Variants in PDE4D observed in about 807,000 individuals in gnomAD.
PDE4D encodes the protein phosphodiesterase 4D.
Under a neutral mutation model 87.4 loss-of-function variants are expected in PDE4D, and 24 were observed. The ratio of observed to expected loss-of-function variants is 0.27; its 90% CI spans 0.20 to 0.39. PDE4D has a LOEUF of 0.39. Among genes scored for constraint, PDE4D ranks in the 10% least tolerant of loss-of-function variants. PDE4D has a pLI of 1.00. For synonymous variants in PDE4D, 384 were observed against 383.2 expected, an observed-to-expected ratio of 1.00 and a Z score of -0.02; for missense variants, 714 against 1,041.0, an observed-to-expected ratio of 0.69 and a Z score of 4.32.
intron 3 of PDE4D, among the ~76,000 whole-genome samples, chr5:59,932,968 C>CTCT: frequency 1.0e-5 from 1 of 97,700 alleles, no homozygotes; most frequent in South Asian, 3.5e-4. Context: ...GTGAAATCTC[C>CTCT]CTTTTCTGGG....
chr5:60,101,480 T>C (rs928452244), intron 2 of PDE4D, among the ~76,000 whole-genome samples: 3 of 152,138 alleles, frequency 2.0e-5, no homozygotes, highest in African/African-American at 7.2e-5. Flanking sequence ...ATTTTGAATC[T>C]ACCTCCAGTG....
chr5:59,321,341 G>T (rs1468299107), intron 1 of PDE4D, among the ~76,000 whole-genome samples: 1 of 152,018 alleles, frequency 6.6e-6, no homozygotes, highest in African/African-American at 2.4e-5. Flanking sequence ...CTACTGCCCT[G>T]CCTAGACAAG....
intron 3 of PDE4D, 105 bp from the exon 4 acceptor site, chr5:59,185,367 T>G (rs987112148): frequency 9.5e-6 from 7 of 736,406 alleles, no homozygotes; most frequent in Non-Finnish European, 1.6e-5. Context: ...CAACTTAGTT[T>G]CATATACCAC....
intron 2 of PDE4D, among the ~76,000 whole-genome samples, chr5:60,052,995 C>T (rs1396826178): frequency 1.3e-5 from 2 of 152,060 alleles, no homozygotes. Context: ...ATGTGAAGGA[C>T]CTCTTCAAGG....
chr5:59,619,231 G>C (rs982380894), intron 1 of PDE4D, among the ~76,000 whole-genome samples: 2 of 152,128 alleles, frequency 1.3e-5, no homozygotes, highest in Non-Finnish European at 2.9e-5. Flanking sequence ...GAGGAGAAAA[G>C]GGGGAGGTGG....
At chr5:60,363,228 A>G (rs1323781719) in intron 1 of PDE4D, among the ~76,000 whole-genome samples, 1 of 152,228 alleles carries the variant, frequency 6.6e-6, no homozygotes, top group African/African-American at 2.4e-5. Flanking sequence ...CCATTAGATT[A>G]TCATACAGTC....
chr5:59,463,034 G>A (rs748200170), intron 1 of PDE4D, among the ~76,000 whole-genome samples: 7 of 152,060 alleles, frequency 4.6e-5, no homozygotes, highest in Non-Finnish European at 1.0e-4. Flanking sequence ...TGACTAAAAT[G>A]TCCTTGGTTA....
chr5:59,407,764 G>A (rs1009528621), intron 1 of PDE4D, among the ~76,000 whole-genome samples: 4 of 152,172 alleles, frequency 2.6e-5, no homozygotes, highest in Non-Finnish European at 5.9e-5. Context: ...TCATGCCCAG[G>A]GACCTGTGAA....
intron 1 of PDE4D, among the ~76,000 whole-genome samples, chr5:60,373,737 A>C (rs1761212361): frequency 6.6e-6 from 1 of 152,174 alleles, no homozygotes; most frequent in African/African-American, 2.4e-5. Flanking sequence ...GGGCTGCATT[A>C]GTTTCTGGGA....
chr5:60,228,392 C>T lies in PDE4D; in HGVS notation c.-89-42705G>A, dbSNP rs76899179. On this transcript the variant is annotated intron_variant, in intron 1 of 16. Transcript: ENST00000502484. ...AGGTCTAACTAAATCCATCTATCCA[C>T]GACACAACAGAGTATATGGGTAACT... is the stretch of plus-strand genomic sequence containing the variant. 1.7e-4 allele frequency among the ~76,000 whole-genome samples: 26 copies of T among 152,186 alleles called. 1 individual carries two copies. In the East Asian group the frequency reaches 3.1e-3, roughly 18 times the overall value.
intron 1 of PDE4D, among the ~76,000 whole-genome samples, chr5:59,845,242 G>A (rs1033841547): frequency 2.0e-5 from 3 of 152,102 alleles, no homozygotes; most frequent in Non-Finnish European, 2.9e-5. Flanking sequence ...TGAGTTAGTG[G>A]TAGTTTCTGA....
intron 5 of PDE4D, among the ~76,000 whole-genome samples, chr5:59,067,828 CAAAAA>C (rs1168209413): frequency 6.6e-6 from 1 of 151,454 alleles, no homozygotes; most frequent in Non-Finnish European, 1.5e-5. Context: ...TAAAAGAAAA[CAAAAA>C]AGAAAAAGGA....
intron 1 of PDE4D, among the ~76,000 whole-genome samples, chr5:59,627,377 A>T (rs1426464021): frequency 6.6e-6 from 1 of 152,196 alleles, no homozygotes. Flanking sequence ...AATGTTCCAA[A>T]TTCTAGGGTT....
At chr5:60,297,799 T>C (rs1753542888) in intron 1 of PDE4D, among the ~76,000 whole-genome samples, 1 of 152,226 alleles carries the variant, frequency 6.6e-6, no homozygotes, top group Admixed American at 6.5e-5. Context: ...TAAGATTTCA[T>C]TGTGGAAATG....
At chr5:60,177,188 T>C (rs894987279) in intron 2 of PDE4D, among the ~76,000 whole-genome samples, 18 of 152,244 alleles carry the variant, frequency 1.2e-4, no homozygotes, top group Admixed American at 1.0e-3. Flanking sequence ...TGTCCACATT[T>C]GGCACAACAA....
intron 1 of PDE4D, among the ~76,000 whole-genome samples, chr5:59,256,023 A>AT (rs1760902070): frequency 6.6e-6 from 1 of 152,084 alleles, no homozygotes; most frequent in Non-Finnish European, 1.5e-5. Flanking sequence ...TTGTACATAT[A>AT]TTTTTTGCAC....
At chr5:59,390,434 T>C (rs952120321) in intron 1 of PDE4D, among the ~76,000 whole-genome samples, 5 of 152,146 alleles carry the variant, frequency 3.3e-5, no homozygotes, top group African/African-American at 1.2e-4. Context: ...TGTGAGTGGA[T>C]TGATGAATGG....
At chr5:60,130,054 T>A (rs1779435566) in intron 2 of PDE4D, among the ~76,000 whole-genome samples, 1 of 152,134 alleles carries the variant, frequency 6.6e-6, no homozygotes, top group Non-Finnish European at 1.5e-5. Flanking sequence ...CCTTCCACCA[T>A]GTGAGGACAC....
At chr5:60,074,001 T>C (rs924904868) in intron 2 of PDE4D, among the ~76,000 whole-genome samples, 1 of 152,078 alleles carries the variant, frequency 6.6e-6, no homozygotes, top group Non-Finnish European at 1.5e-5. Context: ...ATCTTTTGAA[T>C]GGCTTTTCAT....
Sources: gnomAD v4.1 joint callset for allele counts (sites outside exome capture counted in the v4.1 genomes callset) on GRCh38, gnomAD v4.1.1 for gene constraint, MANE v1.5 for transcripts, NCBI Gene and HGNC (gene_info 2026-07-23, HGNC 2026-07-21) for gene names.